SCHIP1: variants seen among roughly 807,000 people sequenced by gnomAD.
The protein encoded by SCHIP1 is schwannomin interacting protein 1, also known as schwannomin-interacting protein 1.
SCHIP1 carries 8 observed loss-of-function variants against 29.7 expected under a neutral mutation model. The observed-to-expected ratio is 0.27, with a 90% CI of 0.16 to 0.49. The LOEUF (loss-of-function observed/expected upper bound fraction) is 0.49, where lower values mean the gene tolerates loss of function less well. SCHIP1 is among the 20% of genes least tolerant of loss of function. The pLI, the probability that SCHIP1 is intolerant of heterozygous loss-of-function variation, is 0.99. For synonymous variants in SCHIP1, 76 were observed against 94.9 expected (o/e 0.80, Z 1.16); for missense variants, 193 against 294.6 (o/e 0.66, Z 2.52).
At chr3:159,854,510 G>A (rs896567947) in intron 1 of SCHIP1, among the ~76,000 whole-genome samples, 5 of 152,150 alleles carry the variant, frequency 3.3e-5, no homozygotes, top group Admixed American at 1.3e-4. Flanking sequence ...AACCTGCCAT[G>A]TTGCCGTTTG....
chr3:159,724,696 ATGAG>A, the SCHIP1 span, among the ~76,000 whole-genome samples: 7 of 152,346 alleles, frequency 4.6e-5, no homozygotes, highest in Middle Eastern at 3.4e-3. Flanking sequence ...TGTCAAGAAA[ATGAG>A]TGACTCGAAT....
chr3:159,432,286 ATGTGTGTGTGTGTGTGTG>A, the SCHIP1 span, among the ~76,000 whole-genome samples: 265 of 108,148 alleles, frequency 2.5e-3, 1 homozygote, highest in African/African-American at 8.9e-3. Context: ...AGAGTAGGTG[ATGTGTGTGTGTGTGTGTG>A]TGTGTGTGTG....
the SCHIP1 span, among the ~76,000 whole-genome samples, chr3:159,359,135 C>A: frequency 6.6e-6 from 1 of 151,854 alleles, no homozygotes; most frequent in Admixed American, 6.6e-5. Flanking sequence ...ACCATGTTGG[C>A]CAGGATGATC....
chr3:159,286,816 A>C, the SCHIP1 span, among the ~76,000 whole-genome samples: 1 of 152,090 alleles, frequency 6.6e-6, no homozygotes. Context: ...ACATTGCTCT[A>C]ATGATTAGTG....
At chr3:159,438,057 C>T in the SCHIP1 span, among the ~76,000 whole-genome samples, 1 of 152,114 alleles carries the variant, frequency 6.6e-6, no homozygotes, top group African/African-American at 2.4e-5. Flanking sequence ...TTATACAGGA[C>T]TCTGGAATAT....
At chr3:159,320,257 T>C in the SCHIP1 span, among the ~76,000 whole-genome samples, 2 of 152,162 alleles carry the variant, frequency 1.3e-5, no homozygotes, top group African/African-American at 4.8e-5. Context: ...AAAAAACATG[T>C]GTAGTGCCCT....
chr3:159,853,119 T>G (rs932916924), intron 1 of SCHIP1: 10 of 348,272 alleles, frequency 2.9e-5, no homozygotes, highest in Middle Eastern at 7.1e-4. Flanking sequence ...AAGGCCGGAG[T>G]CAGCAAGCCA....
At chr3:159,675,867 C>T in the SCHIP1 span, among the ~76,000 whole-genome samples, 181 of 151,860 alleles carry the variant, frequency 1.2e-3, 1 homozygote, top group Admixed American at 2.4e-3. Context: ...CGTGGTGGCT[C>T]ATGCCTGTAA....
chr3:159,736,316 G>A, the SCHIP1 span, among the ~76,000 whole-genome samples: 1 of 152,194 alleles, frequency 6.6e-6, no homozygotes, highest in African/African-American at 2.4e-5. Flanking sequence ...AAGAGTTTTG[G>A]ATTGGCTGTG....
intron 1 of SCHIP1, among the ~76,000 whole-genome samples, chr3:159,863,073 G>C (rs1714229115): frequency 6.6e-6 from 1 of 152,188 alleles, no homozygotes; most frequent in East Asian, 1.9e-4. Flanking sequence ...CAGGCATGGT[G>C]GCTCACGCTT....
At chr3:159,721,582 A>T in the SCHIP1 span, 1 of 194,404 alleles carries the variant, frequency 5.1e-6, no homozygotes, top group Non-Finnish European at 1.0e-5. Flanking sequence ...GGGCCTTCTC[A>T]TTAACAGGAT....
chr3:159,419,798 A>G, the SCHIP1 span, among the ~76,000 whole-genome samples: 1 of 152,158 alleles, frequency 6.6e-6, no homozygotes, highest in South Asian at 2.1e-4. Flanking sequence ...AGCAAACGCT[A>G]AACTCCATCT....
At chr3:159,411,007 G>A in the SCHIP1 span, among the ~76,000 whole-genome samples, 1 of 152,120 alleles carries the variant, frequency 6.6e-6, no homozygotes, top group African/African-American at 2.4e-5. Flanking sequence ...ATTATGTTAA[G>A]TGAAATAAGC....
At chr3:159,698,939 C>A in the SCHIP1 span, among the ~76,000 whole-genome samples, 3 of 152,212 alleles carry the variant, frequency 2.0e-5, no homozygotes, top group African/African-American at 7.2e-5. Context: ...AGCCACCGCA[C>A]TGGTCTGGGT....
At chr3:159,675,896 C>G in the SCHIP1 span, among the ~76,000 whole-genome samples, 1 of 152,180 alleles carries the variant, frequency 6.6e-6, no homozygotes, top group South Asian at 2.1e-4. Flanking sequence ...CTTTGGGAGG[C>G]TGAGGGGGGC....
the SCHIP1 span, among the ~76,000 whole-genome samples, chr3:159,421,851 C>T: frequency 2.0e-5 from 3 of 152,128 alleles, no homozygotes; most frequent in Admixed American, 1.3e-4. Context: ...TAAATTCATA[C>T]CGAGCCCACT....
chr3:159,844,083 TATC>T (rs1711510518), intron 1 of SCHIP1, among the ~76,000 whole-genome samples: 1 of 152,150 alleles, frequency 6.6e-6, no homozygotes, highest in Non-Finnish European at 1.5e-5. Context: ...ACAAGTCAGT[TATC>T]ATGAATTAAG....
chr3:159,301,275 A>G, the SCHIP1 span, among the ~76,000 whole-genome samples: 3 of 152,196 alleles, frequency 2.0e-5, no homozygotes, highest in Non-Finnish European at 4.4e-5. Context: ...TGGCTAAGCC[A>G]TAGTTCAAAC....
the SCHIP1 span, among the ~76,000 whole-genome samples, chr3:159,312,217 A>T: frequency 6.6e-6 from 1 of 152,166 alleles, no homozygotes; most frequent in Admixed American, 6.5e-5. Context: ...AGGGTAGGCT[A>T]GCTGCTATAA....
Sources: gnomAD v4.1 joint callset for allele counts (sites outside exome capture counted in the v4.1 genomes callset) on GRCh38, gnomAD v4.1.1 for gene constraint, MANE v1.5 for transcripts, NCBI Gene and HGNC (gene_info 2026-07-23, HGNC 2026-07-21) for gene names.